CNTNAP2: variants seen among roughly 807,000 people sequenced by gnomAD.
CNTNAP2 encodes the protein contactin associated protein 2, also known as contactin-associated protein-like 2.
Under a neutral mutation model 155.2 loss-of-function variants are expected in CNTNAP2, and 98 were observed. The ratio of observed to expected loss-of-function variants is 0.63; its 90% CI spans 0.54 to 0.75. The LOEUF (loss-of-function observed/expected upper bound fraction) is 0.75, where lower values mean the gene tolerates loss of function less well. Among genes scored for constraint, CNTNAP2 ranks in the 30% least tolerant of loss-of-function variants. The pLI, the probability that CNTNAP2 is intolerant of heterozygous loss-of-function variation, is 0.00. For synonymous variants in CNTNAP2, 651 were observed against 631.2 expected (o/e 1.03, Z -0.47); for missense variants, 1,727 against 1,688.1 (o/e 1.02, Z -0.40).
At chr7:147,523,544 G>A (rs1235954171) in intron 11 of CNTNAP2, among the ~76,000 whole-genome samples, 3 of 152,108 alleles carry the variant, frequency 2.0e-5, no homozygotes. Flanking sequence ...TACCTTGTCT[G>A]GATAAGTTCT....
At chr7:147,120,534 C>T (rs1402743875) in intron 5 of CNTNAP2, among the ~76,000 whole-genome samples, 3 of 152,118 alleles carry the variant, frequency 2.0e-5, no homozygotes. Flanking sequence ...TTTAAAAAAG[C>T]ACTTTTTTCC....
intron 1 of CNTNAP2, among the ~76,000 whole-genome samples, chr7:146,700,025 C>T (rs2129173019): frequency 6.6e-6 from 1 of 152,220 alleles, no homozygotes; most frequent in South Asian, 2.1e-4. Flanking sequence ...GGGCTTTCCC[C>T]TTTCCCTGAT....
chr7:147,039,446 A>C (rs1799218711), intron 3 of CNTNAP2, among the ~76,000 whole-genome samples: 1 of 152,144 alleles, frequency 6.6e-6, no homozygotes, highest in African/African-American at 2.4e-5. Context: ...GCTCCCACTT[A>C]CAAATGAGAA....
chr7:147,162,339 T>C (rs984747130), intron 8 of CNTNAP2, among the ~76,000 whole-genome samples: 1 of 152,208 alleles, frequency 6.6e-6, no homozygotes, highest in East Asian at 1.9e-4. Context: ...ACTATTATTA[T>C]GAATAATGTT....
chr7:147,172,086 A>C (rs1049587513), intron 8 of CNTNAP2, among the ~76,000 whole-genome samples: 8 of 152,108 alleles, frequency 5.3e-5, no homozygotes, highest in Non-Finnish European at 1.0e-4. Flanking sequence ...TGTAATTTCC[A>C]CTTTTATTAC....
chr7:147,668,427 G>A (rs1040026717), intron 13 of CNTNAP2, among the ~76,000 whole-genome samples: 1 of 152,186 alleles, frequency 6.6e-6, no homozygotes, highest in Non-Finnish European at 1.5e-5. Flanking sequence ...TCCTTCAGGA[G>A]CCATTCCAGA....
rs578165319 is a variant in CNTNAP2, at chr7:148,251,328, GGA to G, written c.3382-15700_3382-15699del. 4.8e-4 allele frequency among the ~76,000 whole-genome samples: 73 copies of G among 152,314 alleles called. 1 individual carries two copies. The highest frequency in any genetic ancestry group is 1.8e-3 in the African/African-American group (73 of 41,558). ...AGGATACAATCCAGACCGGCCAAAG[GGA>G]GAGATGCAGGTGGCAAGATTTGTCC... On this transcript the variant is annotated intron_variant, in intron 20 of 23. Transcript: ENST00000361727.
intron 15 of CNTNAP2, among the ~76,000 whole-genome samples, chr7:148,057,511 G>C (rs1803042856): frequency 6.6e-6 from 1 of 152,192 alleles, no homozygotes; most frequent in Admixed American, 6.5e-5. Context: ...ACCTGGGTTA[G>C]AATGCGTTTA....
intron 15 of CNTNAP2, among the ~76,000 whole-genome samples, chr7:147,998,518 A>ATAAGT (rs1224353668): frequency 1.3e-5 from 2 of 152,200 alleles, no homozygotes; most frequent in Non-Finnish European, 2.9e-5. Context: ...CTATTTCAGG[A>ATAAGT]TAAGTTAGAG....
At chr7:147,337,339 C>G (rs1474729489) in intron 9 of CNTNAP2, among the ~76,000 whole-genome samples, 2 of 152,038 alleles carry the variant, frequency 1.3e-5, no homozygotes, top group African/African-American at 2.4e-5. Context: ...GGGTTTTATA[C>G]CCAGGGGCAA....
chr7:146,307,904 G>T (rs1013768268), intron 1 of CNTNAP2, among the ~76,000 whole-genome samples: 9 of 152,198 alleles, frequency 5.9e-5, no homozygotes, highest in African/African-American at 2.2e-4. Context: ...TACCATTCAG[G>T]CCATAGGCAT....
At chr7:148,174,120 G>A (rs1794885949) in intron 18 of CNTNAP2, among the ~76,000 whole-genome samples, 1 of 152,176 alleles carries the variant, frequency 6.6e-6, no homozygotes, top group Non-Finnish European at 1.5e-5. Flanking sequence ...CTTATTATCT[G>A]TTTAGCAGAA....
At chr7:146,893,971 CTA>C (rs1398049525) in intron 3 of CNTNAP2, among the ~76,000 whole-genome samples, 9 of 152,238 alleles carry the variant, frequency 5.9e-5, no homozygotes, top group African/African-American at 2.2e-4. Flanking sequence ...TCCTTTAAGA[CTA>C]TGTTCTTGAA....
At chr7:146,136,886 C>T (rs557294796) in intron 1 of CNTNAP2, among the ~76,000 whole-genome samples, 1 of 152,108 alleles carries the variant, frequency 6.6e-6, no homozygotes, top group African/African-American at 2.4e-5. Context: ...TGCCATTGTT[C>T]GTGGTGAATT....
chr7:147,742,179 T>C (rs111715768), intron 13 of CNTNAP2, among the ~76,000 whole-genome samples: 4,807 of 152,260 alleles, frequency 0.032, 242 homozygotes, highest in African/African-American at 0.11. Context: ...ACATGGGAAT[T>C]CAAGGTGAGA....
chr7:146,845,058 C>T (rs768816), intron 3 of CNTNAP2, among the ~76,000 whole-genome samples: 49,026 of 151,928 alleles, frequency 0.32, 8,409 homozygotes, highest in African/African-American at 0.46. Flanking sequence ...GTCACATATA[C>T]GCTTTTCCCA....
At chr7:146,134,169 T>C (rs545576192) in intron 1 of CNTNAP2, among the ~76,000 whole-genome samples, 3 of 152,196 alleles carry the variant, frequency 2.0e-5, no homozygotes, top group Admixed American at 2.0e-4. Context: ...TTATTCTTTT[T>C]GAAGCAATTG....
chr7:147,529,287 T>C (rs1799386933), intron 11 of CNTNAP2, among the ~76,000 whole-genome samples: 1 of 152,218 alleles, frequency 6.6e-6, no homozygotes, highest in African/African-American at 2.4e-5. Flanking sequence ...GTTCTGGTGA[T>C]TCATTTTGGC....
intron 1 of CNTNAP2, among the ~76,000 whole-genome samples, chr7:146,200,419 G>A (rs1433477636): frequency 2.0e-5 from 3 of 152,024 alleles, no homozygotes; most frequent in Non-Finnish European, 2.9e-5. Context: ...ACTTGAACCC[G>A]GAAGGCGGAG....
Sources: gnomAD v4.1 joint callset for allele counts (sites outside exome capture counted in the v4.1 genomes callset) on GRCh38, gnomAD v4.1.1 for gene constraint, MANE v1.5 for transcripts, NCBI Gene and HGNC (gene_info 2026-07-23, HGNC 2026-07-21) for gene names.